KIF26B: variants seen among roughly 807,000 people sequenced by gnomAD.
KIF26B encodes kinesin family member 26B.
In KIF26B, 63 loss-of-function variants were observed where a neutral mutation model predicts 151.2. That is an observed-to-expected ratio of 0.42 (90% CI 0.34 to 0.51). The LOEUF is 0.51. KIF26B is among the 20% of genes least tolerant of loss of function. KIF26B has a pLI of 0.07. For missense variants in KIF26B, 2,813 were observed against 2,913.6 expected (o/e 0.97, Z 0.79); for synonymous variants, 1,357 against 1,262.1 (o/e 1.08, Z -1.59).
At chr1:245,280,235 C>T (rs1341348506) in intron 2 of KIF26B, among the ~76,000 whole-genome samples, 2 of 151,702 alleles carry the variant, frequency 1.3e-5, no homozygotes, top group African/African-American at 2.4e-5. Flanking sequence ...TTATTTTGGC[C>T]GGGTGCGGTG....
intron 2 of KIF26B, chr1:245,283,155 CA>C: frequency 6.3e-6 from 1 of 159,436 alleles, no homozygotes; most frequent in African/African-American, 2.4e-5. Context: ...AGGTCACTGT[CA>C]AAAACAACAC....
chr1:245,619,876 G>A (rs954543248), intron 9 of KIF26B, among the ~76,000 whole-genome samples: 2 of 152,108 alleles, frequency 1.3e-5, no homozygotes, highest in Admixed American at 6.5e-5. Flanking sequence ...TCACGCCACT[G>A]CACTCCAGCC....
At chr1:245,291,977 T>A (rs548070153) in intron 2 of KIF26B, among the ~76,000 whole-genome samples, 2 of 152,276 alleles carry the variant, frequency 1.3e-5, no homozygotes, top group South Asian at 4.2e-4. Flanking sequence ...GCCAAGGCAC[T>A]TTCCCAAGAG....
Position 245,527,481 on chromosome 1 carries a change from A to G in KIF26B, c.1167-13286A>G, listed in dbSNP as rs142144947. ...ATTCATGTTCATGAAAGATAGGAAT[A>G]ACGTCAGTTAACTAAAATCATTTAT... On this transcript the variant is annotated intron_variant, in intron 4 of 14. Transcript: ENST00000407071. Among the ~76,000 whole-genome samples, 312 of 148,116 alleles carry G rather than the reference A, an allele frequency of 2.1e-3. 1 individual carries two copies. The highest frequency in any genetic ancestry group is 7.4e-3 in the African/African-American group (298 of 40,406).
At position 245,459,582 on chromosome 1, in the gene KIF26B, G is replaced by C. The variant is rs1017878205; in HGVS notation, c.1166+39837G>C. 3.9e-5 allele frequency among the ~76,000 whole-genome samples: 6 copies of C among 152,202 alleles called. 1 individual carries two copies. The South Asian group carries it at 1.2e-3, about 31-fold the overall frequency. ...GGCCTACATAGCCACCTGTGTGCCA[G>C]CTGCTGTTTGTCACTAGGAAGACAG... On this transcript the variant is annotated intron_variant, in intron 4 of 14. Transcript: ENST00000407071.
intron 4 of KIF26B, among the ~76,000 whole-genome samples, chr1:245,429,979 AAAG>A (rs1399320295): frequency 2.0e-5 from 3 of 152,244 alleles, no homozygotes; most frequent in Admixed American, 1.3e-4. Flanking sequence ...TGAAGGGAAA[AAAG>A]AAGATGGGGA....
intron 3 of KIF26B, among the ~76,000 whole-genome samples, chr1:245,380,108 A>T (rs1558143796): frequency 6.6e-6 from 1 of 152,080 alleles, no homozygotes. Context: ...ATTTGTGAGG[A>T]TTAGTTAATG....
At chr1:245,562,357 G>A (rs1205200981) in intron 5 of KIF26B, among the ~76,000 whole-genome samples, 5 of 152,090 alleles carry the variant, frequency 3.3e-5, no homozygotes. Context: ...CAATATAGGA[G>A]GACCCTCACA....
chr1:245,155,591 C>G, intron 1 of KIF26B, 104 bp downstream of exon 1: 2 of 1,006,692 alleles, frequency 2.0e-6, no homozygotes, highest in Non-Finnish European at 2.9e-6. Flanking sequence ...CTCTCCCCCG[C>G]TGCAGAGGCG....
chr1:245,443,286 C>CTA (rs553965280), intron 4 of KIF26B, among the ~76,000 whole-genome samples: 2 of 139,462 alleles, frequency 1.4e-5, no homozygotes, highest in Non-Finnish European at 3.1e-5. Flanking sequence ...CACTGTTCAC[C>CTA]CTGCGGTCAT....
intron 5 of KIF26B, among the ~76,000 whole-genome samples, chr1:245,571,824 TG>T (rs2043068747): frequency 6.6e-6 from 1 of 152,214 alleles, no homozygotes; most frequent in Non-Finnish European, 1.5e-5. Flanking sequence ...CATCCTTCTC[TG>T]TCCTTGGGAG....
At chr1:245,568,460 T>C (rs1295642403) in intron 5 of KIF26B, among the ~76,000 whole-genome samples, 1 of 151,164 alleles carries the variant, frequency 6.6e-6, no homozygotes. Flanking sequence ...CAGTGAGCTA[T>C]GATCATATCC....
intron 2 of KIF26B, among the ~76,000 whole-genome samples, chr1:245,259,029 C>T (rs892746503): frequency 1.3e-5 from 2 of 152,194 alleles, no homozygotes; most frequent in Admixed American, 6.5e-5. Flanking sequence ...GCCCCCCAGG[C>T]GCTGAGCCTG....
chr1:245,480,854 A>C (rs1271242869), intron 4 of KIF26B, among the ~76,000 whole-genome samples: 1 of 151,588 alleles, frequency 6.6e-6, no homozygotes, highest in Non-Finnish European at 1.5e-5. Flanking sequence ...AAATATTCTC[A>C]GTGAAAGGGA....
intron 2 of KIF26B, among the ~76,000 whole-genome samples, chr1:245,310,031 T>C (rs1298263789): frequency 1.4e-5 from 2 of 147,732 alleles, no homozygotes; most frequent in East Asian, 3.9e-4. Flanking sequence ...GGTCACGTGA[T>C]CTTAGGTACT....
At chr1:245,696,891 T>C (rs567884891) in intron 12 of KIF26B, among the ~76,000 whole-genome samples, 26 of 152,248 alleles carry the variant, frequency 1.7e-4, no homozygotes, top group African/African-American at 6.3e-4. Flanking sequence ...AAGTGGATCA[T>C]TTGAGATCAG....
chr1:245,345,745 C>T (rs1672441009), intron 2 of KIF26B, among the ~76,000 whole-genome samples: 1 of 152,020 alleles, frequency 6.6e-6, no homozygotes, highest in Admixed American at 6.6e-5. Context: ...CTTGCTCTTT[C>T]TTGCTCCTGC....
At chr1:245,191,523 A>G (rs1280228377) in intron 2 of KIF26B, among the ~76,000 whole-genome samples, 1 of 152,184 alleles carries the variant, frequency 6.6e-6, no homozygotes, top group African/African-American at 2.4e-5. Flanking sequence ...AAAATCTAGA[A>G]GGAAATATAT....
At chr1:245,648,236 T>C (rs1223496274) in intron 10 of KIF26B, among the ~76,000 whole-genome samples, 1 of 152,248 alleles carries the variant, frequency 6.6e-6, no homozygotes, top group East Asian at 1.9e-4. Context: ...TTTCTATAAA[T>C]AGTTGTTGAA....
Sources: allele counts gnomAD v4.1 joint callset (sites outside exome capture counted in the v4.1 genomes callset), GRCh38; gene constraint gnomAD v4.1.1; transcripts MANE v1.5; gene names NCBI Gene and HGNC (gene_info 2026-07-23, HGNC 2026-07-21).